The following CTC1 variants were observed in gnomAD, a reference collection of about 807,000 sequenced individuals.
CTC1 encodes CST telomere replication complex component 1, also known as CST complex subunit CTC1.
In CTC1, 91 loss-of-function variants were observed where a neutral mutation model predicts 136.3. That is an observed-to-expected ratio of 0.67 (90% CI 0.56 to 0.79). CTC1 has a LOEUF of 0.79. CTC1 is among the 30% of genes least tolerant of loss of function. CTC1 has a pLI of 0.00. For missense variants in CTC1, 1,432 were observed against 1,498.1 expected (o/e 0.96, Z 0.73); for synonymous variants, 606 against 613.8 (o/e 0.99, Z 0.19).
Position 8,231,385 on chromosome 17 carries a change from C to T in CTC1, c.2560G>A (p.Val854Ile). The T allele has an allele frequency of 6.2e-7, 1 of 1,613,754 alleles. No homozygotes were observed. Among genetic ancestry groups the T allele is most frequent in the South Asian group, 1.1e-5 (1 of 91,052 alleles). Residue 854 changes from valine to isoleucine, a missense_variant, in exon 15 of 23, where the codon GTC becomes ATC. Coordinates refer to ENST00000651323, the MANE Select transcript of CTC1 (RefSeq NM_025099.6). ...ELAGCASCLT[V>I]QDNWTLELES... ...AGCTCCAGAGTCCAGTTGTCCTGGACAGTGAGGCAGGATGCACAGCCAGCC... is the reference window on the plus strand; with the variant it reads ...AGCTCCAGAGTCCAGTTGTCCTGGATAGTGAGGCAGGATGCACAGCCAGCC...
Position 8,231,248 on chromosome 17 carries a change from T to G in CTC1, c.2669+28A>C, listed in dbSNP as rs3027239. Reference sequence around the variant, plus strand: ...TTGGGAGAAGAGAGAGTGGCCAAATTAACCAGAGGGGCTTGGTGGACATTT... The same window carrying G: ...TTGGGAGAAGAGAGAGTGGCCAAATGAACCAGAGGGGCTTGGTGGACATTT... On this transcript the variant is annotated intron_variant, in intron 15 of 22. Coordinates refer to ENST00000651323, the MANE Select transcript of CTC1 (RefSeq NM_025099.6). 3,789 of 1,479,314 alleles carry G rather than the reference T, an allele frequency of 2.6e-3. 100 individuals are homozygous for G. The African/African-American group carries it at 0.049, about 19-fold the overall frequency. The allele number at this position is 1,479,314 out of a possible 1,614,324, so 91.6% of individuals were successfully genotyped here. A position where few individuals can be genotyped will look rare whatever the true frequency, so the allele number is the denominator to read the frequency against.
In CTC1 at chr17:8,248,032, G is replaced by A; in HGVS notation, c.5C>T (p.Ala2Val). 1 of 1,428,298 alleles carries A rather than the reference G, an allele frequency of 7.0e-7. No individual in the cohort carries two copies. Among genetic ancestry groups the A allele is most frequent in the Middle Eastern group, 2.0e-4 (1 of 5,074 alleles). 88.5% of individuals were successfully genotyped at this position (1,428,298 alleles called of 1,614,324 possible). M[A>V]AGRAQVPSSE... ...GGAAGGGACCTGGGCCCGGCCAGCC[G>A]CCATGATGCGCCGGAGCTCCGCCCC... is the stretch of plus-strand genomic sequence containing the variant. The change falls in exon 1 of 23, where the codon GCG (alanine) becomes GTG (valine). Residue 2 changes from alanine to valine, a missense_variant. Ala to Val is a moderately conservative substitution (Grantham distance 64, BLOSUM62 0). Transcript: ENST00000651323.
Position 8,235,843 on chromosome 17 carries a change from T to A in CTC1, c.1194A>T (p.Gly398=). 1 of 1,612,214 alleles carries A rather than the reference T, an allele frequency of 6.2e-7. No individual in the cohort carries two copies. Among genetic ancestry groups the A allele is most frequent in the Non-Finnish European group, 8.5e-7 (1 of 1,178,660 alleles). Residue 398 remains glycine (G), a synonymous_variant, in exon 7 of 23, where the codon GGA becomes GGT. Coordinates refer to ENST00000651323, the MANE Select transcript of CTC1 (RefSeq NM_025099.6). ...TGATCTCACATACCTGCAGACACACTCCAGGTCGCATCACCCGCCTAAGGC... is the reference window on the plus strand; with the variant it reads ...TGATCTCACATACCTGCAGACACACACCAGGTCGCATCACCCGCCTAAGGC... ...FRGLRRVMRP[G]VCLQLQDVHL...
chr17:8,232,351 A>G lies in CTC1; in HGVS notation c.2060+10T>C. The G allele has an allele frequency of 1.4e-5, 22 of 1,612,114 alleles. No individual in the cohort carries two copies. Among genetic ancestry groups the G allele is most frequent in the Non-Finnish European group, 1.8e-5 (21 of 1,178,882 alleles). ...CAGACTCAAGACAACCATGACCCCA[A>G]GGAGCCAACCTGGCCTGCTGCTTCT... On this transcript the variant is annotated intron_variant, in intron 12 of 22. Transcript: ENST00000651323.
Position 8,232,467 on chromosome 17 carries a change from C to A in CTC1, c.1954G>T (p.Val652Leu), listed in dbSNP as rs769147608. 6.2e-7 allele frequency: 1 copy of A among 1,613,748 alleles called. No homozygotes were observed. ...LSDPRLIGCL[V>L]RAERFQLIVE... is the part of the protein sequence containing the mutation. The stretch of plus-strand genomic sequence containing the variant: ...ATCAACTGAAACCTCTCTGCCCGCA[C>A]CAGGCAGCCTAGAGGAAGAAAGTTT... The change falls in exon 12 of 23, where the codon GTG becomes TTG. Residue 652 changes from valine to leucine, a missense_variant. Val to Leu is a conservative substitution (Grantham distance 32). Coordinates refer to ENST00000651323, the MANE Select transcript of CTC1 (RefSeq NM_025099.6).
At chr17:8,231,209 C>G in intron 15 of CTC1, 67 bp downstream of exon 15, 3 of 1,313,292 alleles carry the variant, frequency 2.3e-6, no homozygotes, top group Non-Finnish European at 2.1e-6. Context: ...AAGTCTTCAC[C>G]AAACCCAGCT....
At chr17:8,233,166 TTATA>T in intron 10 of CTC1, 134 bp from the exon 11 acceptor site, 2 of 961,232 alleles carry the variant, frequency 2.1e-6, no homozygotes, top group South Asian at 3.5e-5. Context: ...TTCAAAAAAC[TTATA>T]TTCAAGTGGG....
At chr17:8,231,504 G>A (rs1597377359) in intron 14 of CTC1, 35 bp from the exon 15 acceptor site, 7 of 1,562,442 alleles carry the variant, frequency 4.5e-6, no homozygotes, top group Non-Finnish European at 6.1e-6. Context: ...GCCTGTGAGT[G>A]TGTGCTAGTC....
At chr17:8,235,603 G>A (rs1987647072) in intron 7 of CTC1, among the ~76,000 whole-genome samples, 1 of 152,086 alleles carries the variant, frequency 6.6e-6, no homozygotes, top group Non-Finnish European at 1.5e-5. Context: ...CAGCTGAAAG[G>A]CCCTTCTGTG....
Position 8,229,914 on chromosome 17 carries a change from A to T in CTC1, c.2988T>A (p.Ser996Arg), listed in dbSNP as rs1165368375. Residue 996 changes from serine (S) to arginine (R), a missense_variant, in exon 18 of 23, where the codon AGT becomes AGA. Physicochemically the swap from Ser to Arg is moderately radical, Grantham distance 110. Coordinates refer to ENST00000651323, the MANE Select transcript of CTC1 (RefSeq NM_025099.6). ...ACCTGATGGTGGTCTCAGGGGGAAAACTCAGGACCTGCACATAAGTGGATG... is the reference window on the plus strand; with the variant it reads ...ACCTGATGGTGGTCTCAGGGGGAAATCTCAGGACCTGCACATAAGTGGATG... ...FRSSTYVQVL[S>R]FPPETTISIP... 6.2e-7 allele frequency: 1 copy of T among 1,613,902 alleles called. No homozygotes were observed. The highest frequency in any genetic ancestry group is 8.5e-7 in the Non-Finnish European group (1 of 1,179,996).
chr17:8,226,642 G>GA lies in CTC1; in HGVS notation c.*1537dup, dbSNP rs1002652894. 3.3e-5 allele frequency: 5 copies of GA among 152,218 alleles called. No individual in the cohort carries two copies. The highest frequency in any genetic ancestry group is 5.9e-5 in the Non-Finnish European group (4 of 68,050). 9.4% of individuals were successfully genotyped at this position (152,218 alleles called of 1,614,324 possible). A position where few individuals can be genotyped will look rare whatever the true frequency, so the allele number is the denominator to read the frequency against. On this transcript the variant is annotated 3_prime_UTR_variant, in exon 23 of 23. Transcript: ENST00000651323. ...GGCAGGATTCGAACCTGCGCGGGGA[G>GA]ACCCCAATGGATTTCTAGTCCATCG...
chr17:8,232,475 C>T lies in CTC1; in HGVS notation c.1946G>A (p.Gly649Asp), dbSNP rs777005315. Residue 649 changes from glycine to aspartate, a missense_variant and splice_region_variant, in exon 12 of 23, where the codon GGC becomes GAC. Coordinates refer to ENST00000651323, the MANE Select transcript of CTC1 (RefSeq NM_025099.6). ...SQPLSDPRLI[G>D]CLVRAERFQL... ...AAACCTCTCTGCCCGCACCAGGCAG[C>T]CTAGAGGAAGAAAGTTTTCTGTTTT... is the stretch of plus-strand genomic sequence containing the variant. 2 of 1,612,048 alleles carry T rather than the reference C, an allele frequency of 1.2e-6. No individual in the cohort carries two copies. The highest frequency in any genetic ancestry group is 1.7e-6 in the Non-Finnish European group (2 of 1,179,004).
chr17:8,243,276 T>G (rs1306305372), intron 1 of CTC1, 128 bp from the exon 2 acceptor site: 2 of 799,922 alleles, frequency 2.5e-6, no homozygotes, highest in East Asian at 2.9e-5. Context: ...TCCCAACACT[T>G]TGGGAGGCTG....
At chr17:8,247,790 A>G in intron 1 of CTC1, 1 of 591,804 alleles carries the variant, frequency 1.7e-6, no homozygotes, top group African/African-American at 1.9e-5. Flanking sequence ...GTGAACGGAG[A>G]CCAGTTTAAG....
chr17:8,231,468 G>A lies in CTC1; in HGVS notation c.2477C>T (p.Thr826Ile), dbSNP rs757061571. Residue 826 changes from threonine (T) to isoleucine (I), a missense_variant and splice_region_variant, in exon 15 of 23, where the codon ACA becomes ATA. Transcript: ENST00000651323. ...ACCATCCTTTTCAAACAACATTGGT[G>A]TCTGCACGGAAATGGGAAGACGACT... ...VYRLIAPGPATPMLFEKDGSS... is the reference protein window; with the variant it reads ...VYRLIAPGPAIPMLFEKDGSS... The A allele has an allele frequency of 1.2e-6, 2 of 1,600,404 alleles. No individual in the cohort carries two copies. The highest frequency in any genetic ancestry group is 1.1e-5 in the South Asian group (1 of 89,888).
chr17:8,247,942 A>C, intron 1 of CTC1, 62 bp downstream of exon 1: 41 of 1,528,396 alleles, frequency 2.7e-5, no homozygotes, highest in Non-Finnish European at 3.2e-5. Context: ...GGAAATAGGA[A>C]GAGAAAGAGT....
chr17:8,238,641 A>C lies in CTC1; in HGVS notation c.198-12T>G, dbSNP rs2151532365. 6.4e-7 allele frequency: 1 copy of C among 1,552,396 alleles called. No individual in the cohort carries two copies. Among genetic ancestry groups the C allele is most frequent in the Non-Finnish European group, 8.7e-7 (1 of 1,146,670 alleles). On this transcript the variant is annotated splice_polypyrimidine_tract_variant and intron_variant, in intron 2 of 22. Transcript: ENST00000651323. The stretch of plus-strand genomic sequence containing the variant: ...GTACTGAGACGAAGCTGTAGAGTGA[A>C]GGGAACAGAGGTCCTGCAAAGCCAG...
Position 8,228,614 on chromosome 17 carries a change from C to G in CTC1, c.3403G>C (p.Asp1135His), listed in dbSNP as rs755212243. Residue 1135 changes from aspartate (D) to histidine (H), a missense_variant, in exon 22 of 23, where the codon GAC becomes CAC. By Grantham distance (81) the Asp-to-His change is moderately conservative. Coordinates refer to ENST00000651323, the MANE Select transcript of CTC1 (RefSeq NM_025099.6). ...GAQLESSARV[D>H]EPMTMFLWTL... ...CAGAGGAACATGGTCATGGGCTCGT[C>G]AACCCTGGCTGAAGACTAGAAAGAG... The G allele has an allele frequency of 6.2e-7, 1 of 1,614,058 alleles. No individual in the cohort carries two copies. Among genetic ancestry groups the G allele is most frequent in the Non-Finnish European group, 8.5e-7 (1 of 1,180,038 alleles).
intron 2 of CTC1, 122 bp downstream of exon 2, chr17:8,242,863 A>T (rs1988386653): frequency 9.8e-6 from 8 of 813,350 alleles, no homozygotes; most frequent in Non-Finnish European, 1.5e-5. Context: ...GGGTATGTTT[A>T]GACTACCTTG....
Sources: gnomAD v4.1 joint callset for allele counts (sites outside exome capture counted in the v4.1 genomes callset) on GRCh38, gnomAD v4.1.1 for gene constraint, MANE v1.5 for transcripts, NCBI Gene and HGNC (gene_info 2026-07-23, HGNC 2026-07-21) for gene names.